Variants in EPB41L4A observed in about 807,000 individuals in gnomAD.
The protein encoded by EPB41L4A is erythrocyte membrane protein band 4.1 like 4A.
Under a neutral mutation model 108.6 loss-of-function variants are expected in EPB41L4A, and 100 were observed. That is an observed-to-expected ratio of 0.92 (90% confidence interval 0.78 to 1.09). The LOEUF (loss-of-function observed/expected upper bound fraction) is 1.09. Ranked by LOEUF, EPB41L4A falls within the 50% of genes least tolerant of loss-of-function variation. EPB41L4A has a pLI of 0.00. For missense variants in EPB41L4A, 1,030 were observed against 842.7 expected (o/e 1.22, Z -2.75); for synonymous variants, 319 against 289.0 (o/e 1.10, Z -1.05).
At chr5:112,189,688 G>A (rs376022092) in intron 17 of EPB41L4A, among the ~76,000 whole-genome samples, 3 of 152,096 alleles carry the variant, frequency 2.0e-5, no homozygotes, top group Admixed American at 6.5e-5. Flanking sequence ...GGAAAAAAAC[G>A]CACCAGACTA....
At chr5:112,158,655 T>A (rs754835289), downstream of EPB41L4A, among the ~76,000 whole-genome samples, 1 of 152,132 alleles carries the variant, frequency 6.6e-6, no homozygotes, top group Non-Finnish European at 1.5e-5. Context: ...CTTACAATCA[T>A]AGCGGAAGGG....
intron 12 of EPB41L4A, among the ~76,000 whole-genome samples, chr5:112,154,210 G>C (rs537190124): frequency 6.6e-6 from 1 of 152,290 alleles, no homozygotes; most frequent in Non-Finnish European, 1.5e-5. Flanking sequence ...GCATTAGAGA[G>C]CATTCACAAC....
At chr5:112,172,705 TG>T (rs1760652319) in intron 18 of EPB41L4A, among the ~76,000 whole-genome samples, 1 of 152,168 alleles carries the variant, frequency 6.6e-6, no homozygotes, top group Non-Finnish European at 1.5e-5. Flanking sequence ...TCTGACAGAA[TG>T]ATGGTTCAGC....
rs1760504511 is a variant in EPB41L4A at position 112,170,369 on chromosome 5, T to C, written c.1671A>G (p.Gln557=). 3 of 1,595,002 alleles carry C rather than the reference T, an allele frequency of 1.9e-6. No individual in the cohort carries two copies. Among genetic ancestry groups the C allele is most frequent in the East Asian group, 4.5e-5 (2 of 44,766 alleles). The change falls in exon 20 of 23, where the codon CAA becomes CAG. Residue 557 remains glutamine (Q), a splice_region_variant and synonymous_variant. Coordinates refer to ENST00000261486, the MANE Select transcript of EPB41L4A (RefSeq NM_022140.5). ...QAKEELWKHI[Q]KELVDPSGLS... The stretch of plus-strand genomic sequence containing the variant: ...ATCCGGATGGATCCACAAGTTCTTT[T>C]CTGTAAAGGAATATGCAAGAAAATG...
intron 15 of EPB41L4A, among the ~76,000 whole-genome samples, chr5:112,197,640 T>G (rs1762027627): frequency 6.6e-6 from 1 of 152,200 alleles, no homozygotes; most frequent in African/African-American, 2.4e-5. Flanking sequence ...ACAGCAAAAC[T>G]CCTGCTATGG....
At chr5:112,341,970 T>A (rs896183042) in intron 1 of EPB41L4A, among the ~76,000 whole-genome samples, 7 of 152,210 alleles carry the variant, frequency 4.6e-5, no homozygotes, top group African/African-American at 1.7e-4. Context: ...GTGGGGAAAT[T>A]TCTTCAAATA....
At chr5:112,215,847 A>T in intron 12 of EPB41L4A, among the ~76,000 whole-genome samples, 1 of 152,008 alleles carries the variant, frequency 6.6e-6, no homozygotes. Context: ...AGAGTATGTC[A>T]GTCGGGGAGT....
At chr5:112,187,126 GCT>G (rs1352915458) in intron 17 of EPB41L4A, among the ~76,000 whole-genome samples, 3 of 152,064 alleles carry the variant, frequency 2.0e-5, no homozygotes, top group Non-Finnish European at 4.4e-5. Context: ...GTCAAAATGT[GCT>G]CTTACATCAT....
chr5:112,158,955 C>T (rs560701119), downstream of EPB41L4A, among the ~76,000 whole-genome samples: 1 of 152,214 alleles, frequency 6.6e-6, no homozygotes, highest in African/African-American at 2.4e-5. Flanking sequence ...CTTTCGCTGT[C>T]TTTAAAGGAC....
chr5:112,193,319 T>C (rs900465798), intron 17 of EPB41L4A, among the ~76,000 whole-genome samples: 1 of 152,204 alleles, frequency 6.6e-6, no homozygotes, highest in African/African-American at 2.4e-5. Context: ...TTTTTCTATA[T>C]GAGATGAAGT....
At chr5:112,373,223 G>C (rs1759606249) in intron 1 of EPB41L4A, among the ~76,000 whole-genome samples, 1 of 152,136 alleles carries the variant, frequency 6.6e-6, no homozygotes, top group Non-Finnish European at 1.5e-5. Flanking sequence ...CCTTATGAAG[G>C]TCACCAACAG....
At chr5:112,217,134 G>A (rs1747705492) in intron 12 of EPB41L4A, among the ~76,000 whole-genome samples, 1 of 151,872 alleles carries the variant, frequency 6.6e-6, no homozygotes, top group Admixed American at 6.6e-5. Flanking sequence ...AGTAGAGATG[G>A]GGTTTCACCA....
intron 18 of EPB41L4A, chr5:112,173,494 A>G (rs1320157530): frequency 6.6e-6 from 1 of 151,622 alleles, no homozygotes; most frequent in Admixed American, 6.6e-5. Flanking sequence ...ATATTTTCTG[A>G]TCTTTTTAAG....
At chr5:112,182,799 T>TA (rs1364141124) in intron 18 of EPB41L4A, among the ~76,000 whole-genome samples, 3 of 123,866 alleles carry the variant, frequency 2.4e-5, no homozygotes, top group Non-Finnish European at 5.0e-5. Context: ...CTTTTTTTTT[T>TA]AATGGAGTTG....
At chr5:112,214,026 G>C (rs934321312) in intron 12 of EPB41L4A, among the ~76,000 whole-genome samples, 1 of 152,200 alleles carries the variant, frequency 6.6e-6, no homozygotes, top group Non-Finnish European at 1.5e-5. Context: ...GAAATCTGCA[G>C]AGGTGAGAAA....
intron 12 of EPB41L4A, among the ~76,000 whole-genome samples, chr5:112,155,590 C>T (rs1259037610): frequency 6.6e-6 from 1 of 152,032 alleles, no homozygotes; most frequent in East Asian, 1.9e-4. Context: ...TCTTCCCCAC[C>T]ACCACATCTT....
At chr5:112,204,173 T>A (rs1265068139) in intron 15 of EPB41L4A, among the ~76,000 whole-genome samples, 1 of 152,038 alleles carries the variant, frequency 6.6e-6, no homozygotes, top group Non-Finnish European at 1.5e-5. Flanking sequence ...GCCAATATTT[T>A]ATGAAATTAT....
chr5:112,236,161 A>G (rs1419515130), intron 11 of EPB41L4A, among the ~76,000 whole-genome samples: 1 of 152,142 alleles, frequency 6.6e-6, no homozygotes, highest in Non-Finnish European at 1.5e-5. Context: ...TTTATTATTC[A>G]AATTTTTCTC....
chr5:112,161,487 C>A (rs1467960786), downstream of EPB41L4A: 1 of 518,794 alleles, frequency 1.9e-6, no homozygotes, highest in Non-Finnish European at 3.8e-6. Context: ...GCAGTGTCAG[C>A]CTTTGTGTTG....
Sources: gnomAD v4.1 joint callset for allele counts (sites outside exome capture counted in the v4.1 genomes callset) on GRCh38, gnomAD v4.1.1 for gene constraint, MANE v1.5 for transcripts, NCBI Gene and HGNC (gene_info 2026-07-23, HGNC 2026-07-21) for gene names.